The following XPO6 variants were observed in gnomAD, a reference collection of about 807,000 sequenced individuals.
XPO6 encodes the protein exportin 6.
Under a neutral mutation model 130.0 loss-of-function variants are expected in XPO6, and 3 were observed. That is an observed-to-expected ratio of 0.02 (90% CI 0.01 to 0.06). The LOEUF (loss-of-function observed/expected upper bound fraction) is 0.06, where lower values mean the gene tolerates loss of function less well. Ranked by LOEUF, XPO6 falls within the 10% of genes least tolerant of loss-of-function variation. The pLI is 1.00. For missense variants in XPO6, 970 were observed against 1,393.0 expected (o/e 0.70, Z 4.83); for synonymous variants, 524 against 548.9 (o/e 0.95, Z 0.63).
chr16:28,105,941 T>C (rs2141236118), intron 20 of XPO6, 102 bp downstream of exon 20: 1 of 1,515,448 alleles, frequency 6.6e-7, no homozygotes, highest in Non-Finnish European at 8.9e-7. Context: ...CATATTAAAC[T>C]AACAAATGAA....
At chr16:28,164,854 C>T (rs186968170) in intron 6 of XPO6, among the ~76,000 whole-genome samples, 1 of 152,318 alleles carries the variant, frequency 6.6e-6, no homozygotes, top group East Asian at 1.9e-4. Flanking sequence ...ATTTCTTCTA[C>T]AGTAAACTGC....
chr16:28,182,943 C>A (rs1043775840), intron 1 of XPO6, among the ~76,000 whole-genome samples: 18 of 151,596 alleles, frequency 1.2e-4, no homozygotes, highest in South Asian at 2.1e-4. Context: ...GCAGAAGAAT[C>A]AAAAAAAATA....
intron 4 of XPO6, among the ~76,000 whole-genome samples, chr16:28,174,016 C>T (rs760856057): frequency 6.6e-6 from 1 of 152,146 alleles, no homozygotes; most frequent in African/African-American, 2.4e-5. Context: ...TTCACTTAGA[C>T]TCCCAACCCT....
chr16:28,121,163 G>A (rs1338441027), intron 14 of XPO6, among the ~76,000 whole-genome samples: 1 of 152,196 alleles, frequency 6.6e-6, no homozygotes, highest in East Asian at 1.9e-4. Context: ...AAAATAACCT[G>A]GGGTTCTTGT....
At chr16:28,131,453 G>T (rs1255390103) in intron 12 of XPO6, among the ~76,000 whole-genome samples, 1 of 152,226 alleles carries the variant, frequency 6.6e-6, no homozygotes, top group Admixed American at 6.5e-5. Context: ...GAAGCATGCT[G>T]GGAAGAAGGA....
At chr16:28,160,653 G>GT (rs1426940890) in intron 6 of XPO6, among the ~76,000 whole-genome samples, 2 of 152,066 alleles carry the variant, frequency 1.3e-5, no homozygotes, top group African/African-American at 4.8e-5. Context: ...TTCTATGTAA[G>GT]ATACTGGGTA....
chr16:28,109,450 C>T (rs2086866119), intron 17 of XPO6, among the ~76,000 whole-genome samples: 2 of 152,044 alleles, frequency 1.3e-5, no homozygotes, highest in Non-Finnish European at 2.9e-5. Flanking sequence ...CAAGCACCTT[C>T]CCAATGGACA....
chr16:28,146,244 G>T, intron 8 of XPO6, 41 bp from the exon 9 acceptor site: 1 of 1,368,866 alleles, frequency 7.3e-7, no homozygotes, highest in Non-Finnish European at 1.0e-6. Context: ...ATTATTTAAT[G>T]CTACTATTCC....
At chr16:28,195,333 T>C (rs1326233091) in intron 1 of XPO6, among the ~76,000 whole-genome samples, 1 of 152,180 alleles carries the variant, frequency 6.6e-6, no homozygotes, top group Non-Finnish European at 1.5e-5. Flanking sequence ...ATTGGTTAAA[T>C]AAGGTACATC....
intron 1 of XPO6, among the ~76,000 whole-genome samples, chr16:28,190,127 A>T (rs1421460313): frequency 6.6e-6 from 1 of 152,220 alleles, no homozygotes; most frequent in African/African-American, 2.4e-5. Flanking sequence ...GGTACGTTTT[A>T]TGCTGGGAAA....
At chr16:28,142,094 G>A (rs978387644) in intron 9 of XPO6, among the ~76,000 whole-genome samples, 12 of 152,238 alleles carry the variant, frequency 7.9e-5, no homozygotes, top group Admixed American at 5.2e-4. Flanking sequence ...AATGAGTGCT[G>A]CCTTTGTGAC....
chr16:28,104,928 G>A (rs1158055600), intron 20 of XPO6, among the ~76,000 whole-genome samples: 7 of 152,246 alleles, frequency 4.6e-5, no homozygotes, highest in Admixed American at 4.6e-4. Flanking sequence ...GGTTCACACC[G>A]CGAGTTCTTC....
chr16:28,172,205 T>C (rs1196685451), intron 4 of XPO6, among the ~76,000 whole-genome samples: 2 of 152,244 alleles, frequency 1.3e-5, no homozygotes, highest in Non-Finnish European at 2.9e-5. Context: ...TAATTTTTCC[T>C]CTCATTAGCT....
chr16:28,156,982 C>T (rs1159320203), intron 6 of XPO6, among the ~76,000 whole-genome samples: 1 of 151,904 alleles, frequency 6.6e-6, no homozygotes, highest in East Asian at 1.9e-4. Flanking sequence ...AATAAAAATC[C>T]CTAACACCAC....
At chr16:28,173,701 T>C (rs2043491514) in intron 4 of XPO6, among the ~76,000 whole-genome samples, 1 of 152,208 alleles carries the variant, frequency 6.6e-6, no homozygotes, top group Non-Finnish European at 1.5e-5. Flanking sequence ...GAAAGCTACA[T>C]GAGGTTAAAG....
At chr16:28,148,729 G>T (rs920522652) in intron 8 of XPO6, among the ~76,000 whole-genome samples, 2 of 152,058 alleles carry the variant, frequency 1.3e-5, no homozygotes, top group African/African-American at 4.8e-5. Flanking sequence ...AGACAATTAA[G>T]GAACAAAATC....
Position 28,132,260 on chromosome 16 carries a change from G to A in XPO6, c.1606+74C>T, listed in dbSNP as rs990722949. The A allele has an allele frequency of 1.3e-5, 15 of 1,135,638 alleles. No individual in the cohort carries two copies. The highest frequency in any genetic ancestry group is 9.4e-5 in the African/African-American group (6 of 63,816). The allele number at this position is 1,135,638 out of a possible 1,614,324, so 70.3% of individuals were successfully genotyped here. ...GAAGAAATCATGTTCCGACAGCAAC[G>A]GCAGCAGTAATGAAATATCAGTCCG... On this transcript the variant is annotated intron_variant, in intron 12 of 23. Transcript: ENST00000304658. The surrounding 1 kb of genome is among the most constrained non-coding windows in gnomAD (Gnocchi z 4.0).
intron 17 of XPO6, 133 bp from the exon 18 acceptor site, chr16:28,107,810 T>C (rs1445298947): frequency 1.0e-6 from 1 of 975,384 alleles, no homozygotes; most frequent in Non-Finnish European, 1.5e-6. Flanking sequence ...AAAGGAACAG[T>C]CTCTTGATTA....
chr16:28,127,462 G>A (rs1454345926), intron 12 of XPO6, among the ~76,000 whole-genome samples: 1 of 152,180 alleles, frequency 6.6e-6, no homozygotes, highest in Non-Finnish European at 1.5e-5. Flanking sequence ...GGTACAGAGT[G>A]AGTGACCGTA....
Sources: allele counts gnomAD v4.1 joint callset (sites outside exome capture counted in the v4.1 genomes callset), GRCh38; gene constraint gnomAD v4.1.1; non-coding constraint Gnocchi (gnomAD v3.1); transcripts MANE v1.5; gene names NCBI Gene and HGNC (gene_info 2026-07-23, HGNC 2026-07-21).